GNB4: variants seen among roughly 807,000 people sequenced by gnomAD.
The protein encoded by GNB4 is guanine nucleotide-binding protein subunit beta-4.
In GNB4, 28 loss-of-function variants were observed where a neutral mutation model predicts 45.2. The ratio of observed to expected loss-of-function variants is 0.62; its 90% CI spans 0.46 to 0.85. The LOEUF (loss-of-function observed/expected upper bound fraction) is 0.85. Ranked by LOEUF, GNB4 falls within the 40% of genes least tolerant of loss-of-function variation. The pLI is 0.00. For missense variants in GNB4, 321 were observed against 425.4 expected (o/e 0.75, Z 2.16); for synonymous variants, 132 against 143.7 (o/e 0.92, Z 0.58).
chr3:179,460,136 C>G, the GNB4 span, among the ~76,000 whole-genome samples: 3 of 152,176 alleles, frequency 2.0e-5, no homozygotes, highest in African/African-American at 7.2e-5. Flanking sequence ...CCTGCTTTTT[C>G]TGCATTGTGG....
chr3:179,472,175 A>C, the GNB4 span, among the ~76,000 whole-genome samples: 1 of 152,116 alleles, frequency 6.6e-6, no homozygotes, highest in Non-Finnish European at 1.5e-5. Context: ...TTTAATGCCA[A>C]TTTTATACAA....
intron 3 of GNB4, among the ~76,000 whole-genome samples, chr3:179,420,455 C>CATAT (rs770638167): frequency 9.8e-6 from 1 of 102,114 alleles, no homozygotes; most frequent in East Asian, 2.9e-4. Flanking sequence ...AATATATATA[C>CATAT]ATATATATAT....
chr3:179,476,626 G>C, the GNB4 span, among the ~76,000 whole-genome samples: 1 of 152,354 alleles, frequency 6.6e-6, no homozygotes, highest in East Asian at 1.9e-4. Flanking sequence ...CTTGTGACAA[G>C]CCTCTGCCTG....
the GNB4 span, among the ~76,000 whole-genome samples, chr3:179,460,667 T>C: frequency 4.3e-5 from 3 of 70,356 alleles, no homozygotes; most frequent in Admixed American, 2.3e-4. Flanking sequence ...TAAATCAACC[T>C]TTTTTTTAAT....
the GNB4 span, among the ~76,000 whole-genome samples, chr3:179,510,223 C>T: frequency 1.3e-5 from 2 of 152,148 alleles, no homozygotes; most frequent in East Asian, 1.9e-4. Flanking sequence ...CCCCAGTTTA[C>T]CATGGACCCG....
chr3:179,514,251 T>C, the GNB4 span, among the ~76,000 whole-genome samples: 1 of 152,130 alleles, frequency 6.6e-6, no homozygotes, highest in Admixed American at 6.5e-5. Flanking sequence ...GATATAGGTA[T>C]GATGTGGACA....
At chr3:179,401,822 T>C (rs1577023534) in intron 9 of GNB4, among the ~76,000 whole-genome samples, 1 of 152,236 alleles carries the variant, frequency 6.6e-6, no homozygotes, top group African/African-American at 2.4e-5. Flanking sequence ...TACTTTCTTA[T>C]GCTAATCACC....
chr3:179,421,508 C>G (rs1250727261), intron 2 of GNB4, among the ~76,000 whole-genome samples: 2 of 152,256 alleles, frequency 1.3e-5, no homozygotes, highest in Middle Eastern at 3.4e-3. Flanking sequence ...AAATTAAATC[C>G]TTCCTGCTAG....
chr3:179,401,996 A>G (rs564043007), intron 9 of GNB4, among the ~76,000 whole-genome samples: 109 of 133,532 alleles, frequency 8.2e-4, no homozygotes, highest in South Asian at 4.0e-3. Flanking sequence ...CAAATGCTCA[A>G]AATTTTTAAA....
At chr3:179,482,630 C>T in the GNB4 span, among the ~76,000 whole-genome samples, 1 of 152,136 alleles carries the variant, frequency 6.6e-6, no homozygotes, top group South Asian at 2.1e-4. Context: ...TAATTATTCC[C>T]ACTGTTTTGA....
chr3:179,403,193 A>C (rs1220831901), intron 9 of GNB4, among the ~76,000 whole-genome samples: 4 of 152,164 alleles, frequency 2.6e-5, no homozygotes, highest in Non-Finnish European at 5.9e-5. Flanking sequence ...CACACCAGCC[A>C]CGTGCCCAGA....
At chr3:179,424,010 G>A (rs1282325062) in intron 2 of GNB4, among the ~76,000 whole-genome samples, 1 of 152,144 alleles carries the variant, frequency 6.6e-6, no homozygotes, top group Non-Finnish European at 1.5e-5. Context: ...AGAGTAATGC[G>A]TGTTCAGGGA....
chr3:179,445,033 T>A (rs1357058503), intron 1 of GNB4, among the ~76,000 whole-genome samples: 2 of 148,462 alleles, frequency 1.3e-5, no homozygotes. Context: ...GTGTTGCCAT[T>A]AAAAAAAAAA....
chr3:179,468,363 C>T, the GNB4 span, among the ~76,000 whole-genome samples: 785 of 151,892 alleles, frequency 5.2e-3, 3 homozygotes, highest in African/African-American at 0.018. Flanking sequence ...GGCGTGGTGG[C>T]GCTTGCCTAT....
At chr3:179,447,225 G>A (rs974030042) in intron 1 of GNB4, among the ~76,000 whole-genome samples, 4 of 151,744 alleles carry the variant, frequency 2.6e-5, no homozygotes, top group African/African-American at 9.7e-5. Flanking sequence ...AAACTAACCT[G>A]ACATGCTGGA....
chr3:179,519,536 C>T, the GNB4 span, among the ~76,000 whole-genome samples: 2 of 152,180 alleles, frequency 1.3e-5, no homozygotes, highest in African/African-American at 2.4e-5. Flanking sequence ...CCTCTTAAAA[C>T]TCCCCAACTC....
the GNB4 span, among the ~76,000 whole-genome samples, chr3:179,468,037 T>C: frequency 1.3e-5 from 1 of 77,338 alleles, no homozygotes; most frequent in Non-Finnish European, 2.6e-5. Flanking sequence ...TTGATAAAAA[T>C]ATATATATAT....
intron 1 of GNB4, among the ~76,000 whole-genome samples, chr3:179,447,200 C>A (rs996764402): frequency 6.6e-6 from 1 of 151,998 alleles, no homozygotes; most frequent in African/African-American, 2.4e-5. Context: ...GAACAGCAAG[C>A]AAAGGCCCAG....
the GNB4 span, among the ~76,000 whole-genome samples, chr3:179,508,766 A>G: frequency 7.9e-5 from 12 of 151,980 alleles, no homozygotes; most frequent in Admixed American, 4.6e-4. Flanking sequence ...TCAATGGAAT[A>G]TATTCTAAGG....
Sources: gnomAD v4.1 joint callset for allele counts (sites outside exome capture counted in the v4.1 genomes callset) on GRCh38, gnomAD v4.1.1 for gene constraint, MANE v1.5 for transcripts, NCBI Gene and HGNC (gene_info 2026-07-23, HGNC 2026-07-21) for gene names.